The following GLI2 variants were observed in gnomAD, a reference collection of about 807,000 sequenced individuals.
GLI2 encodes the protein transcription activator GLI2.
GLI2 carries 22 observed loss-of-function variants against 78.9 expected under a neutral mutation model. The observed-to-expected ratio is 0.28, with a 90% CI of 0.20 to 0.40. The LOEUF (loss-of-function observed/expected upper bound fraction) is 0.40, where lower values mean the gene tolerates loss of function less well. Ranked by LOEUF, GLI2 falls within the 10% of genes least tolerant of loss-of-function variation. GLI2 has a pLI of 1.00. For synonymous variants in GLI2, 974 were observed against 963.7 expected (o/e 1.01, Z -0.20); for missense variants, 2,097 against 2,213.2 (o/e 0.95, Z 1.05).
At chr2:120,885,087 A>C (rs1677331884) in intron 2 of GLI2, among the ~76,000 whole-genome samples, 1 of 152,018 alleles carries the variant, frequency 6.6e-6, no homozygotes, top group Non-Finnish European at 1.5e-5. Context: ...TCTAGAGCTT[A>C]TTGCCTTTCA....
At chr2:120,738,308 A>G (rs200729287) in intron 1 of GLI2, among the ~76,000 whole-genome samples, 2 of 151,886 alleles carry the variant, frequency 1.3e-5, no homozygotes, top group East Asian at 1.9e-4. Flanking sequence ...GTTTTCCTAG[A>G]CTTGCTGCTT....
At chr2:120,780,283 A>G (rs1683805586) in intron 1 of GLI2, among the ~76,000 whole-genome samples, 1 of 152,186 alleles carries the variant, frequency 6.6e-6, no homozygotes, top group Admixed American at 6.5e-5. Context: ...AAGAAGATCC[A>G]CTTGCCGAGC....
In GLI2 at chr2:120,763,725, C is replaced by A. The variant is rs568397840; in HGVS notation, c.-31+27440C>A. Among the ~76,000 whole-genome samples the A allele has an allele frequency of 4.6e-5, 7 of 152,360 alleles. No homozygotes were observed. The South Asian group carries it at 1.4e-3, about 32-fold the overall frequency. ...CCCTGTAGCCATCGTGCCCTCTTGC[C>A]CCACGCCCGGAAGCATTGCCGGGTT... On this transcript the variant is annotated intron_variant, in intron 1 of 13. Coordinates refer to ENST00000361492, the MANE Select transcript of GLI2 (RefSeq NM_001374353.1).
rs897335522 is a variant in GLI2 at position 120,973,848 on chromosome 2, G to A, written c.1183-1127G>A. On this transcript the variant is annotated intron_variant, in intron 8 of 13. Transcript: ENST00000361492. ...CAGCTCTTATGGAAAGTCAGGTGGA[G>A]TTTGAGTCTCCATTGACAGCAGGGC... is the stretch of plus-strand genomic sequence containing the variant. Among the ~76,000 whole-genome samples, 5 of 152,284 alleles carry A rather than the reference G, an allele frequency of 3.3e-5. No homozygotes were observed. In the East Asian group the frequency reaches 9.7e-4, roughly 29 times the overall value.
In GLI2 at chr2:120,986,262, G is replaced by T. The variant is rs897070732; in HGVS notation, c.1906-16G>T. The stretch of plus-strand genomic sequence containing the variant: ...ATACCCTCTGAGTCTGAGCCTTCTT[G>T]CCTCGTCCCCTGCAGCTGTGTCAGT... On this transcript the variant is annotated splice_polypyrimidine_tract_variant and intron_variant, in intron 12 of 13. Coordinates refer to ENST00000361492, the MANE Select transcript of GLI2 (RefSeq NM_001374353.1). 1 of 1,610,636 alleles carries T rather than the reference G, an allele frequency of 6.2e-7. No homozygotes were observed. The highest frequency in any genetic ancestry group is 1.3e-5 in the African/African-American group (1 of 75,032).
intron 1 of GLI2, among the ~76,000 whole-genome samples, chr2:120,778,969 G>A (rs964289274): frequency 4.6e-5 from 7 of 152,186 alleles, no homozygotes; most frequent in Non-Finnish European, 1.0e-4. Flanking sequence ...TTGGACAGGG[G>A]AAAATTTGGG....
At chr2:120,797,944 A>T (rs1306754636) in intron 2 of GLI2, among the ~76,000 whole-genome samples, 2 of 152,112 alleles carry the variant, frequency 1.3e-5, no homozygotes, top group Admixed American at 6.5e-5. Context: ...GGCCAACTTA[A>T]TTATAACAAA....
chr2:120,958,497 T>G (rs1256909926), intron 5 of GLI2, among the ~76,000 whole-genome samples: 2 of 152,100 alleles, frequency 1.3e-5, no homozygotes, highest in Admixed American at 1.3e-4. Context: ...CAGTGACATA[T>G]CGCCCTCGTA....
chr2:120,862,641 G>A (rs1037075703), intron 2 of GLI2, among the ~76,000 whole-genome samples: 6 of 152,144 alleles, frequency 3.9e-5, no homozygotes, highest in African/African-American at 1.4e-4. Context: ...GGCAGGTGGG[G>A]GGCCAAGCCT....
intron 2 of GLI2, among the ~76,000 whole-genome samples, chr2:120,847,828 G>A (rs1687195414): frequency 6.6e-6 from 1 of 152,244 alleles, no homozygotes; most frequent in Admixed American, 6.5e-5. Context: ...AAGACCCAGC[G>A]TGGAGCCTAC....
rs919460880 is a variant in GLI2 at position 120,800,539 on chromosome 2, T to A, written c.148+3071T>A. On this transcript the variant is annotated intron_variant, in intron 2 of 13. Transcript: ENST00000361492. This position sits in a 1 kb window ranked among gnomAD's most constrained non-coding sequence, Gnocchi z 4.1. ...TTTATTTTTTTGAGACAGTCTTCAC[T>A]TTGTCACACAGGCTGGAGTGCAGTG... 6.6e-6 allele frequency among the ~76,000 whole-genome samples: 1 copy of A among 152,052 alleles called. No homozygotes were observed. Among genetic ancestry groups the A allele is most frequent in the Non-Finnish European group, 1.5e-5 (1 of 68,006 alleles).
At chr2:120,942,824 G>A (rs139531886) in intron 3 of GLI2, among the ~76,000 whole-genome samples, 9 of 147,354 alleles carry the variant, frequency 6.1e-5, no homozygotes, top group South Asian at 2.1e-4. Context: ...ATTCGTTCAC[G>A]CCCTCACTCA....
intron 2 of GLI2, among the ~76,000 whole-genome samples, chr2:120,912,422 T>C (rs1007143389): frequency 1.3e-5 from 2 of 152,126 alleles, no homozygotes; most frequent in African/African-American, 4.8e-5. Context: ...TGTCTCAGTT[T>C]CTGAACCAAC....
intron 2 of GLI2, among the ~76,000 whole-genome samples, chr2:120,820,300 C>T (rs1685700739): frequency 6.6e-6 from 1 of 152,226 alleles, no homozygotes; most frequent in Non-Finnish European, 1.5e-5. Flanking sequence ...TCTAAACTCT[C>T]AGCTGTCGCC....
At chr2:120,969,035 T>C (rs1682008278) in intron 6 of GLI2, 120 bp downstream of exon 6, 1 of 731,108 alleles carries the variant, frequency 1.4e-6, no homozygotes, top group Non-Finnish European at 2.4e-6. Context: ...CCTGTGGCAT[T>C]TGTGAATCCA....
rs80159806 is a variant in GLI2, at chr2:120,894,478, C to T, written c.149-32883C>T. ...GCTCAGAGTGCCTGCTCTGTTCCCT[C>T]CTGAGCATTCTGTTCCCTTCTCACT... On this transcript the variant is annotated intron_variant, in intron 2 of 13. Transcript: ENST00000361492. Among the ~76,000 whole-genome samples the T allele has an allele frequency of 2.0e-3, 308 of 152,248 alleles. 10 individuals are homozygous for T. In the East Asian group the frequency reaches 0.054, roughly 27 times the overall value.
chr2:120,957,944 G>A (rs1681353714), intron 5 of GLI2, among the ~76,000 whole-genome samples: 1 of 152,216 alleles, frequency 6.6e-6, no homozygotes, highest in Non-Finnish European at 1.5e-5. Flanking sequence ...CCTTCCCTGG[G>A]CTGCAGTTTT....
At position 120,940,704 on chromosome 2, in the gene GLI2, G is replaced by A. The variant is rs546578122; in HGVS notation, c.255-10539G>A. ...TGAGGGCCTGTGATTTCCTGAGCTC[G>A]TAACTGGTCTTGGGAATGCCTGCCA... On this transcript the variant is annotated intron_variant, in intron 3 of 13. Coordinates refer to ENST00000361492, the MANE Select transcript of GLI2 (RefSeq NM_001374353.1). 3.2e-4 allele frequency among the ~76,000 whole-genome samples: 48 copies of A among 152,208 alleles called. 1 individual carries two copies. The highest frequency in any genetic ancestry group is 2.9e-5 in the Non-Finnish European group (2 of 68,038).
chr2:120,989,899 G>A lies in GLI2; in HGVS notation c.3934G>A (p.Ala1312Thr). The change falls in exon 14 of 14, where the codon GCA (alanine) becomes ACA (threonine). Residue 1312 changes from alanine to threonine, a missense_variant. Physicochemically the swap from Ala to Thr is moderately conservative, Grantham distance 58. Coordinates refer to ENST00000361492, the MANE Select transcript of GLI2 (RefSeq NM_001374353.1). ...QSYPQQSHHL[A>T]ASMSQEGYHQ... The stretch of plus-strand genomic sequence containing the variant: ...CTACCCACAGCAGAGCCATCACCTG[G>A]CAGCCTCCATGAGCCAGGAGGGCTA... 2 of 1,612,916 alleles carry A rather than the reference G, an allele frequency of 1.2e-6. No individual in the cohort carries two copies. The highest frequency in any genetic ancestry group is 1.7e-6 in the Non-Finnish European group (2 of 1,179,930).
Sources: gnomAD v4.1 joint callset for allele counts (sites outside exome capture counted in the v4.1 genomes callset) on GRCh38, gnomAD v4.1.1 for gene constraint, Gnocchi (gnomAD v3.1) non-coding constraint, MANE v1.5 for transcripts, NCBI Gene and HGNC (gene_info 2026-07-23, HGNC 2026-07-21) for gene names.